SLC16A3: variants seen among roughly 807,000 people sequenced by gnomAD.
The protein encoded by SLC16A3 is solute carrier family 16 member 3.
In SLC16A3, 22 loss-of-function variants were observed where a neutral mutation model predicts 25.0. That is an observed-to-expected ratio of 0.88 (90% CI 0.63 to 1.26). The LOEUF (loss-of-function observed/expected upper bound fraction) is 1.26. SLC16A3 is among the 50% of genes most tolerant of loss of function. SLC16A3 has a pLI of 0.00. For synonymous variants in SLC16A3, 390 were observed against 309.2 expected (o/e 1.26, Z -2.74); for missense variants, 731 against 666.6 (o/e 1.10, Z -1.06).
chr17:82,239,708 G>A lies in SLC16A3; in HGVS notation c.*732G>A. ...GAAATGTGCCAGGGAGCCCCTACGT[G>A]GTGGTTAGATGGGAGCTGAGGTGGA... On this transcript the variant is annotated 3_prime_UTR_variant, in exon 5 of 5. Coordinates refer to ENST00000582743, the MANE Select transcript of SLC16A3 (RefSeq NM_004207.4). The A allele has an allele frequency of 2.7e-6, 1 of 366,000 alleles. No homozygotes were observed. Among genetic ancestry groups the A allele is most frequent in the African/African-American group, 2.1e-5 (1 of 47,766 alleles). 22.7% of individuals were successfully genotyped at this position (366,000 alleles called of 1,614,324 possible).
At chr17:82,221,317 T>C (rs913078778) in intron 1 of SLC16A3, among the ~76,000 whole-genome samples, 2 of 152,156 alleles carry the variant, frequency 1.3e-5, no homozygotes, top group African/African-American at 4.8e-5. Flanking sequence ...CCCAGCATTT[T>C]GGGAGGCTGA....
At position 82,237,154 on chromosome 17, in the gene SLC16A3, C is replaced by T. The variant is rs1358687581; in HGVS notation, c.384C>T (p.Leu128=). The T allele has an allele frequency of 6.0e-6, 9 of 1,508,714 alleles. No individual in the cohort carries two copies. The highest frequency in any genetic ancestry group is 2.4e-5 in the East Asian group (1 of 42,244). 93.5% of individuals were successfully genotyped at this position (1,508,714 alleles called of 1,614,324 possible). A position where few individuals can be genotyped will look rare whatever the true frequency, so the allele number is the denominator to read the frequency against. The part of the protein sequence containing the change: ...TGVITGLGLA[L]NFQPSLIMLN... ...TTCCTCCAGGGTTGGGTTTGGCACT[C>T]AACTTCCAGCCCTCGCTCATCATGC... Residue 128 remains leucine (L), a synonymous_variant, in exon 4 of 5, where the codon CTC becomes CTT. Coordinates refer to ENST00000582743, the MANE Select transcript of SLC16A3 (RefSeq NM_004207.4).
chr17:82,219,899 C>A (rs2050378677), intron 1 of SLC16A3, among the ~76,000 whole-genome samples: 1 of 152,134 alleles, frequency 6.6e-6, no homozygotes, highest in Admixed American at 6.5e-5. Context: ...GCAGAGGAAA[C>A]CCTGACCCCC....
rs1455404261 is a variant in SLC16A3 at position 82,236,133 on chromosome 17, T to C, written c.125T>C (p.Val42Ala). ...TTCTCCTACGCCTTCCCCAAGGCCG[T>C]CAGTGTCTTCTTCAAGGAGCTCATA... ...TGFSYAFPKA[V>A]SVFFKELIQE... The change falls in exon 2 of 5, where the codon GTC becomes GCC. Residue 42 changes from valine (V) to alanine (A), a missense_variant. Physicochemically the swap from Val to Ala is moderately conservative, Grantham distance 64. Coordinates refer to ENST00000582743, the MANE Select transcript of SLC16A3 (RefSeq NM_004207.4). The C allele has an allele frequency of 7.4e-6, 12 of 1,613,246 alleles. No homozygotes were observed. The East Asian group carries it at 1.1e-4, about 15-fold the overall frequency.
chr17:82,227,271 A>T (rs76550678), upstream of SLC16A3, among the ~76,000 whole-genome samples: 677 of 152,098 alleles, frequency 4.5e-3, 4 homozygotes, highest in Non-Finnish European at 6.8e-3. Flanking sequence ...GTGAGGTCCC[A>T]GGCTCTCTGG....
chr17:82,233,363 C>A (rs546421563), intron 1 of SLC16A3, among the ~76,000 whole-genome samples: 1 of 152,318 alleles, frequency 6.6e-6, no homozygotes, highest in South Asian at 2.1e-4. Context: ...ACGTGGAAGC[C>A]ACAAGCACCT....
chr17:82,230,168 G>A (rs2050470798), intron 1 of SLC16A3: 1 of 152,472 alleles, frequency 6.6e-6, no homozygotes. Flanking sequence ...CCTGCTGAAG[G>A]AGGGTCTATT....
At chr17:82,222,995 G>C (rs978376155) in intron 1 of SLC16A3, among the ~76,000 whole-genome samples, 40 of 152,090 alleles carry the variant, frequency 2.6e-4, no homozygotes, top group African/African-American at 7.7e-4. Context: ...CCGGGGAAGG[G>C]GGGGTGCTGT....
chr17:82,227,552 C>T (rs1031027739), upstream of SLC16A3, among the ~76,000 whole-genome samples: 1 of 149,078 alleles, frequency 6.7e-6, no homozygotes, highest in African/African-American at 2.5e-5. Flanking sequence ...ACTGATGAAT[C>T]GCCTGGTGCA....
intron 2 of SLC16A3, 193 bp from the exon 3 acceptor site, chr17:82,236,536 G>A: frequency 2.7e-6 from 2 of 734,754 alleles, no homozygotes; most frequent in Non-Finnish European, 4.4e-6. Flanking sequence ...AGGGACCCAA[G>A]GGGCCCAGCA....
At chr17:82,228,873 G>A (rs1247681892), upstream of SLC16A3, among the ~76,000 whole-genome samples, 1 of 150,746 alleles carries the variant, frequency 6.6e-6, no homozygotes, top group East Asian at 2.0e-4. Flanking sequence ...CCTGGGCCCG[G>A]CGGGGTTGCG....
At chr17:82,222,208 CGTCGCCCTGGG>C (rs2050393354) in intron 1 of SLC16A3, among the ~76,000 whole-genome samples, 1 of 92,258 alleles carries the variant, frequency 1.1e-5, no homozygotes, top group East Asian at 3.9e-4. Context: ...TGGAGACGAG[CGTCGCCCTGGG>C]ACCCCCAACT....
upstream of SLC16A3, among the ~76,000 whole-genome samples, chr17:82,224,739 C>T (rs532335503): frequency 3.0e-4 from 45 of 151,776 alleles, no homozygotes; most frequent in Admixed American, 9.8e-4. Flanking sequence ...CGTGCAGACA[C>T]ATCCCAACAT....
At chr17:82,221,549 A>G (rs1336245634) in intron 1 of SLC16A3, among the ~76,000 whole-genome samples, 1 of 151,932 alleles carries the variant, frequency 6.6e-6, no homozygotes, top group South Asian at 2.1e-4. Flanking sequence ...AGCCTGGGCA[A>G]CAGAGTAAGA....
At chr17:82,223,980 C>T (rs2050404270), upstream of SLC16A3, among the ~76,000 whole-genome samples, 1 of 151,252 alleles carries the variant, frequency 6.6e-6, no homozygotes, top group African/African-American at 2.4e-5. Flanking sequence ...GCACAGACAC[C>T]CCTACACCTG....
intron 2 of SLC16A3, 70 bp from the exon 3 acceptor site, chr17:82,236,659 T>G: frequency 1.9e-5 from 30 of 1,564,202 alleles, no homozygotes; most frequent in Non-Finnish European, 2.3e-5. Context: ...CTCCAGGCTG[T>G]GAGCTCAGTC....
upstream of SLC16A3, among the ~76,000 whole-genome samples, chr17:82,227,582 T>G (rs144355328): frequency 1.8e-3 from 242 of 136,738 alleles, no homozygotes; most frequent in African/African-American, 6.4e-3. Flanking sequence ...GAGCACCACC[T>G]GCCCTGGGCG....
rs748023771 is a variant in SLC16A3, at chr17:82,238,686, C to CG, written c.1124-12dup. The CG allele has an allele frequency of 3.1e-6, 5 of 1,600,112 alleles. No homozygotes were observed. The South Asian group carries it at 4.5e-5, about 14-fold the overall frequency. Reference sequence around the variant, plus strand: ...AGCCCGCATGAGCGGCTGGGACTGACGGGGTCTTCCCGCAGGCAAACTCCT... The same window carrying CG: ...AGCCCGCATGAGCGGCTGGGACTGACGGGGGTCTTCCCGCAGGCAAACTCCT... On this transcript the variant is annotated splice_polypyrimidine_tract_variant and intron_variant, in intron 4 of 4. Transcript: ENST00000582743.
rs758395782 is a variant in SLC16A3 at position 82,236,868 on chromosome 17, C to T, written c.363C>T (p.Ile121=). Residue 121 remains isoleucine, a synonymous_variant, in exon 3 of 5, where the codon ATC becomes ATT. Transcript: ENST00000582743. ...AGGTCTACCTCACCACTGGGGTCAT[C>T]ACGGGTGAGTGGGGCCGGCCGGTGG... The part of the protein sequence containing the change: ...IIQVYLTTGV[I]TGLGLALNFQ... 20 of 1,605,590 alleles carry T rather than the reference C, an allele frequency of 1.2e-5. No individual in the cohort carries two copies. Among genetic ancestry groups the T allele is most frequent in the Non-Finnish European group, 1.7e-5 (20 of 1,179,700 alleles).
Sources: gnomAD v4.1 joint callset for allele counts (sites outside exome capture counted in the v4.1 genomes callset) on GRCh38, gnomAD v4.1.1 for gene constraint, MANE v1.5 for transcripts, NCBI Gene and HGNC (gene_info 2026-07-23, HGNC 2026-07-21) for gene names.